B3GALT1: variants seen among roughly 807,000 people sequenced by gnomAD.
B3GALT1 encodes beta-1,3-galactosyltransferase 1.
In B3GALT1, 10 loss-of-function variants were observed where a neutral mutation model predicts 23.2. That is an observed-to-expected ratio of 0.43 (90% CI 0.27 to 0.73). The LOEUF (loss-of-function observed/expected upper bound fraction) is 0.73. Ranked by LOEUF, B3GALT1 falls within the 30% of genes least tolerant of loss-of-function variation. B3GALT1 has a pLI of 0.21. For synonymous variants in B3GALT1, 156 were observed against 141.5 expected (o/e 1.10, Z -0.73); for missense variants, 299 against 405.4 (o/e 0.74, Z 2.25).
chr2:167,536,675 A>C (rs1683432606), intron 2 of B3GALT1, among the ~76,000 whole-genome samples: 1 of 152,188 alleles, frequency 6.6e-6, no homozygotes, highest in African/African-American at 2.4e-5. Flanking sequence ...GAAAAGCAGT[A>C]AACATTTCTG....
chr2:167,442,214 AT>A (rs1227849001), intron 1 of B3GALT1, among the ~76,000 whole-genome samples: 4 of 151,966 alleles, frequency 2.6e-5, no homozygotes, highest in East Asian at 1.9e-4. Flanking sequence ...TGAACTCATC[AT>A]TTTTTATGGC....
intron 3 of B3GALT1, among the ~76,000 whole-genome samples, chr2:167,809,877 C>G (rs148466251): frequency 0.13 from 19,379 of 152,112 alleles, 1,538 homozygotes; most frequent in Non-Finnish European, 0.18. Flanking sequence ...GTCCTGCCCC[C>G]AGAGGTGGAG....
At chr2:167,393,162 A>T (rs1451995562) in intron 1 of B3GALT1, among the ~76,000 whole-genome samples, 6 of 150,588 alleles carry the variant, frequency 4.0e-5, no homozygotes, top group Non-Finnish European at 5.9e-5. Flanking sequence ...TGAACCCGGG[A>T]GGCGGAGCTT....
At chr2:167,381,779 G>A (rs1697850745) in intron 1 of B3GALT1, among the ~76,000 whole-genome samples, 2 of 152,216 alleles carry the variant, frequency 1.3e-5, no homozygotes, top group Non-Finnish European at 2.9e-5. Flanking sequence ...GTTAACTGGA[G>A]AGGGACTGTT....
intron 3 of B3GALT1, among the ~76,000 whole-genome samples, chr2:167,679,296 A>T (rs1328198832): frequency 6.6e-6 from 1 of 151,782 alleles, no homozygotes; most frequent in African/African-American, 2.4e-5. Flanking sequence ...TTTTTGTATT[A>T]TTAGTAGAGA....
chr2:167,429,592 T>A (rs1698677774), intron 1 of B3GALT1, among the ~76,000 whole-genome samples: 1 of 151,930 alleles, frequency 6.6e-6, no homozygotes, highest in African/African-American at 2.4e-5. Context: ...AAAGAAAAAA[T>A]AAGCACAATG....
At chr2:167,712,639 G>A (rs1370573127) in intron 3 of B3GALT1, among the ~76,000 whole-genome samples, 1 of 151,964 alleles carries the variant, frequency 6.6e-6, no homozygotes, top group Admixed American at 6.6e-5. Flanking sequence ...TAAATCTCTA[G>A]CAAATTGGAT....
chr2:167,781,042 A>G (rs1688236644), intron 3 of B3GALT1, among the ~76,000 whole-genome samples: 1 of 152,230 alleles, frequency 6.6e-6, no homozygotes, highest in South Asian at 2.1e-4. Context: ...AATATTAGAG[A>G]GGGCTTGGAG....
chr2:167,392,685 G>T (rs1490988725), intron 1 of B3GALT1, among the ~76,000 whole-genome samples: 1 of 152,028 alleles, frequency 6.6e-6, no homozygotes, highest in Non-Finnish European at 1.5e-5. Context: ...AGCTACTCTG[G>T]CTCAAACTTC....
intron 1 of B3GALT1, among the ~76,000 whole-genome samples, chr2:167,373,646 T>G (rs1006296769): frequency 6.6e-6 from 1 of 152,176 alleles, no homozygotes; most frequent in Non-Finnish European, 1.5e-5. Context: ...ATGAAGATAT[T>G]AGCATTTAGA....
intron 1 of B3GALT1, among the ~76,000 whole-genome samples, chr2:167,426,846 T>C (rs1302864788): frequency 1.3e-5 from 2 of 152,210 alleles, no homozygotes; most frequent in Non-Finnish European, 2.9e-5. Context: ...ACATACCCTG[T>C]AACCTTGCAT....
intron 3 of B3GALT1, among the ~76,000 whole-genome samples, chr2:167,650,238 A>G (rs552245773): frequency 6.7e-6 from 1 of 149,162 alleles, no homozygotes; most frequent in Non-Finnish European, 1.5e-5. Flanking sequence ...GTATTGTTGA[A>G]CCACCCTTGC....
At chr2:167,352,746 G>C (rs1400693395) in intron 1 of B3GALT1, among the ~76,000 whole-genome samples, 5 of 145,788 alleles carry the variant, frequency 3.4e-5, no homozygotes, top group Non-Finnish European at 4.6e-5. Context: ...CAAACAAACT[G>C]TACCAAGAAC....
chr2:167,515,518 G>A (rs539299829), intron 2 of B3GALT1, among the ~76,000 whole-genome samples: 1 of 152,232 alleles, frequency 6.6e-6, no homozygotes, highest in South Asian at 2.1e-4. Flanking sequence ...GAAGCATAAA[G>A]CAAAATGCTG....
chr2:167,433,869 G>A (rs916866438), intron 1 of B3GALT1, among the ~76,000 whole-genome samples: 1 of 152,060 alleles, frequency 6.6e-6, no homozygotes, highest in African/African-American at 2.4e-5. Flanking sequence ...TCAAGTTTAC[G>A]GTGAGGTGTG....
chr2:167,414,901 G>A (rs1698444307), intron 1 of B3GALT1, among the ~76,000 whole-genome samples: 1 of 152,098 alleles, frequency 6.6e-6, no homozygotes. Context: ...CCAAACTTCT[G>A]CTTTAATTCT....
intron 1 of B3GALT1, among the ~76,000 whole-genome samples, chr2:167,385,698 G>A (rs919687553): frequency 2.0e-5 from 3 of 152,164 alleles, no homozygotes; most frequent in Non-Finnish European, 4.4e-5. Flanking sequence ...AAACAAGAAA[G>A]CATAACTTCA....
At chr2:167,655,173 A>G (rs1685937458) in intron 3 of B3GALT1, among the ~76,000 whole-genome samples, 1 of 152,188 alleles carries the variant, frequency 6.6e-6, no homozygotes. Context: ...ATTATTGGCT[A>G]CATATGTTTT....
At chr2:167,376,799 T>C (rs898608490) in intron 1 of B3GALT1, among the ~76,000 whole-genome samples, 7 of 152,070 alleles carry the variant, frequency 4.6e-5, no homozygotes, top group African/African-American at 1.4e-4. Context: ...AAACTTTTGG[T>C]TTTATGGATT....
Sources: gnomAD v4.1 joint callset for allele counts (sites outside exome capture counted in the v4.1 genomes callset) on GRCh38, gnomAD v4.1.1 for gene constraint, MANE v1.5 for transcripts, NCBI Gene and HGNC (gene_info 2026-07-23, HGNC 2026-07-21) for gene names.